TIMM17A: variants seen among roughly 807,000 people sequenced by gnomAD.
The protein encoded by TIMM17A is mitochondrial import inner membrane translocase subunit Tim17-A.
TIMM17A carries 15 observed loss-of-function variants against 26.5 expected under a neutral mutation model. The observed-to-expected ratio is 0.57, with a 90% CI of 0.38 to 0.87. The LOEUF is 0.87. TIMM17A is among the 40% of genes least tolerant of loss of function. The probability of loss-of-function intolerance (pLI) is 0.00; values close to 1 mark genes in which losing one functional copy is unlikely to be tolerated. For synonymous variants in TIMM17A, 80 were observed against 70.8 expected (o/e 1.13, Z -0.66); for missense variants, 201 against 210.0 (o/e 0.96, Z 0.27).
intron 3 of TIMM17A, among the ~76,000 whole-genome samples, chr1:201,959,375 G>T (rs79172735): frequency 0.026 from 4,002 of 151,912 alleles, 79 homozygotes; most frequent in South Asian, 0.064. Context: ...AAATAAAAGG[G>T]CTGGGCACAG....
rs1682574953 is a variant in TIMM17A at position 201,963,706 on chromosome 1, C to A, written c.281C>A (p.Thr94Lys). ...RGKEDPWNSI[T>K]SGALTGAILA... ...AAGGAAGATCCCTGGAACTCCATCA[C>A]AAGTGGTGCCTTAACGGGAGCCATA... The change falls in exon 4 of 6, where the codon ACA becomes AAA. Residue 94 changes from threonine to lysine, a missense_variant. By Grantham distance (78) the Thr-to-Lys change is moderately conservative. Coordinates refer to ENST00000367287, the MANE Select transcript of TIMM17A (RefSeq NM_006335.3). The A allele has an allele frequency of 6.2e-7, 1 of 1,611,578 alleles. No individual in the cohort carries two copies. The highest frequency in any genetic ancestry group is 2.2e-5 in the East Asian group (1 of 44,816).
Position 201,956,059 on chromosome 1 carries a change from A to G in TIMM17A, c.26+507A>G, listed in dbSNP as rs567919433. On this transcript the variant is annotated intron_variant, in intron 1 of 5. Transcript: ENST00000367287. Reference sequence around the variant, plus strand: ...AATGAATGGAACATAGATTTTAGCCAAGGGGTCTGGATAAGCTTCTTTATT... The same window carrying G: ...AATGAATGGAACATAGATTTTAGCCGAGGGGTCTGGATAAGCTTCTTTATT... 2.1e-3 allele frequency among the ~76,000 whole-genome samples: 315 copies of G among 152,278 alleles called. 2 individuals carry two copies. Among genetic ancestry groups the G allele is most frequent in the African/African-American group, 7.1e-3 (295 of 41,558 alleles).
chr1:201,965,920 TC>T (rs1297910371), intron 5 of TIMM17A, among the ~76,000 whole-genome samples: 3 of 152,222 alleles, frequency 2.0e-5, no homozygotes, highest in African/African-American at 7.2e-5. Flanking sequence ...ACAGGACAGT[TC>T]CTGCCCTCAA....
chr1:201,958,261 T>G, intron 3 of TIMM17A, among the ~76,000 whole-genome samples: 1 of 152,222 alleles, frequency 6.6e-6, no homozygotes, highest in East Asian at 1.9e-4. Context: ...CCGATTGGGC[T>G]CTTCTCCAAG....
intron 3 of TIMM17A, among the ~76,000 whole-genome samples, chr1:201,958,842 TGAA>T (rs1433929761): frequency 6.6e-6 from 1 of 152,234 alleles, no homozygotes; most frequent in Non-Finnish European, 1.5e-5. Context: ...CTCACAGTAA[TGAA>T]GAAGTTAGTA....
chr1:201,963,834 A>G, intron 4 of TIMM17A, 90 bp downstream of exon 4: 1 of 1,371,010 alleles, frequency 7.3e-7, no homozygotes, highest in Non-Finnish European at 9.7e-7. Context: ...AATATATAAA[A>G]CTGATTATTG....
chr1:201,955,566 C>A lies in TIMM17A; in HGVS notation c.26+14C>A, dbSNP rs778273968. ...GCGAGAGCCTTGGTGAGCTTCACCG[C>A]TGTCTTTGCATTTCTCTTGCCCCCC... is the stretch of plus-strand genomic sequence containing the variant. On this transcript the variant is annotated intron_variant, in intron 1 of 5. Transcript: ENST00000367287. 3 of 1,614,252 alleles carry A rather than the reference C, an allele frequency of 1.9e-6. No homozygotes were observed. Among genetic ancestry groups the A allele is most frequent in the Non-Finnish European group, 2.5e-6 (3 of 1,180,040 alleles).
intron 5 of TIMM17A, among the ~76,000 whole-genome samples, chr1:201,967,053 G>A (rs1226919270): frequency 7.1e-6 from 1 of 140,318 alleles, no homozygotes; most frequent in African/African-American, 2.6e-5. Flanking sequence ...GTGAAAATTT[G>A]ACCTGGCATT....
intron 3 of TIMM17A, among the ~76,000 whole-genome samples, chr1:201,960,091 A>G (rs1682496036): frequency 6.6e-6 from 1 of 151,948 alleles, no homozygotes; most frequent in African/African-American, 2.4e-5. Context: ...TGAATTAAGT[A>G]TGGACTTCAG....
chr1:201,961,502 G>T (rs1483510976), intron 3 of TIMM17A, among the ~76,000 whole-genome samples: 1 of 152,132 alleles, frequency 6.6e-6, no homozygotes, highest in Non-Finnish European at 1.5e-5. Flanking sequence ...TGTGGGCAGG[G>T]CAGCTTTTCC....
At position 201,969,809 on chromosome 1, in the gene TIMM17A, T is replaced by C. The variant is rs2102947778; in HGVS notation, c.*255T>C. On this transcript the variant is annotated 3_prime_UTR_variant, in exon 6 of 6. Coordinates refer to ENST00000367287, the MANE Select transcript of TIMM17A (RefSeq NM_006335.3). The stretch of plus-strand genomic sequence containing the variant: ...TTTAAATCGCTAAAGGAAAATACAG[T>C]AAGTGCTTGAAAGATGAAGGACCAA... 3.5e-6 allele frequency: 1 copy of C among 289,486 alleles called. No individual in the cohort carries two copies. The highest frequency in any genetic ancestry group is 7.1e-5 in the South Asian group (1 of 14,054). 17.9% of individuals were successfully genotyped at this position (289,486 alleles called of 1,614,324 possible).
intron 2 of TIMM17A, 54 bp from the exon 3 acceptor site, chr1:201,957,457 G>A (rs1682437118): frequency 6.3e-7 from 1 of 1,591,322 alleles, no homozygotes; most frequent in African/African-American, 1.3e-5. Context: ...CCCATCAGTG[G>A]CTTAGAAATG....
At chr1:201,963,808 A>G (rs1022595896) in intron 4 of TIMM17A, 64 bp downstream of exon 4, 16 of 1,499,922 alleles carry the variant, frequency 1.1e-5, no homozygotes, top group East Asian at 9.1e-5. Context: ...ATCTGCCTCA[A>G]TTGAATGACA....
Position 201,963,622 on chromosome 1 carries a change from T to G in TIMM17A, c.197T>G (p.Phe66Cys). Residue 66 changes from phenylalanine to cysteine, a missense_variant, in exon 4 of 6, where the codon TTT (phenylalanine) becomes TGT (cysteine). Physicochemically the swap from Phe to Cys is radical, Grantham distance 205. Coordinates refer to ENST00000367287, the MANE Select transcript of TIMM17A (RefSeq NM_006335.3). Reference protein sequence around the residue: ...KTRAPQLGGSFAVWGGLFSMI... With the variant: ...KTRAPQLGGSCAVWGGLFSMI... ...TCTTTTTACAATAAAATAGGTAGCT[T>G]TGCAGTTTGGGGAGGGCTGTTTTCC... 6.3e-7 allele frequency: 1 copy of G among 1,599,450 alleles called. No homozygotes were observed. Among genetic ancestry groups the G allele is most frequent in the Non-Finnish European group, 8.5e-7 (1 of 1,176,592 alleles).
At chr1:201,959,170 G>A (rs1682477844) in intron 3 of TIMM17A, among the ~76,000 whole-genome samples, 1 of 152,172 alleles carries the variant, frequency 6.6e-6, no homozygotes, top group African/African-American at 2.4e-5. Flanking sequence ...AACTGTCACT[G>A]CCAAAAGAAG....
intron 3 of TIMM17A, among the ~76,000 whole-genome samples, chr1:201,959,713 G>T (rs6702239): frequency 2.0e-5 from 3 of 151,222 alleles, no homozygotes; most frequent in Admixed American, 2.0e-4. Flanking sequence ...GGTGGCTCAC[G>T]ACTGTAATCC....
At chr1:201,969,269 T>C (rs1475498111) in intron 5 of TIMM17A, among the ~76,000 whole-genome samples, 200 bp from the exon 6 acceptor site, 1 of 152,202 alleles carries the variant, frequency 6.6e-6, no homozygotes, top group Admixed American at 6.5e-5. Context: ...AGCAAGCCAG[T>C]CTGTCATATG....
intron 3 of TIMM17A, among the ~76,000 whole-genome samples, chr1:201,961,099 CTT>C (rs1682519466): frequency 7.0e-6 from 1 of 142,064 alleles, no homozygotes; most frequent in African/African-American, 2.6e-5. Context: ...GAATTTCGCT[CTT>C]GTTGCCCAGG....
At chr1:201,962,560 C>A (rs1451852216) in intron 3 of TIMM17A, 3 of 152,134 alleles carry the variant, frequency 2.0e-5, no homozygotes, top group Non-Finnish European at 1.5e-5. Context: ...CCGTGTTGGC[C>A]AGGATGCCCT....
Sources: allele counts gnomAD v4.1 joint callset (sites outside exome capture counted in the v4.1 genomes callset), GRCh38; gene constraint gnomAD v4.1.1; transcripts MANE v1.5; gene names NCBI Gene and HGNC (gene_info 2026-07-23, HGNC 2026-07-21).